Variants in SLC20A2 observed in about 807,000 individuals in gnomAD.
SLC20A2 encodes solute carrier family 20 member 2.
Under a neutral mutation model 61.0 loss-of-function variants are expected in SLC20A2, and 30 were observed. That is an observed-to-expected ratio of 0.49 (90% confidence interval 0.37 to 0.67). The LOEUF is 0.67. SLC20A2 is among the 30% of genes least tolerant of loss of function. SLC20A2 has a pLI of 0.00. For missense variants in SLC20A2, 626 were observed against 866.4 expected, an observed-to-expected ratio of 0.72 and a Z score of 3.48; for synonymous variants, 351 against 353.3, an observed-to-expected ratio of 0.99 and a Z score of 0.07.
chr8:42,487,687 T>C (rs1429483854), intron 1 of SLC20A2, among the ~76,000 whole-genome samples: 1 of 152,248 alleles, frequency 6.6e-6, no homozygotes, highest in Non-Finnish European at 1.5e-5. Context: ...TTGGTTATTA[T>C]ACTTTTCAAC....
chr8:42,470,423 T>G (rs549820131), intron 2 of SLC20A2, among the ~76,000 whole-genome samples: 9 of 151,868 alleles, frequency 5.9e-5, no homozygotes, highest in African/African-American at 2.2e-4. Context: ...CTCCCTATGT[T>G]GCCCAGACTG....
At chr8:42,449,158 G>A (rs1805461455) in intron 5 of SLC20A2, among the ~76,000 whole-genome samples, 1 of 152,050 alleles carries the variant, frequency 6.6e-6, no homozygotes. Context: ...TTATGGCTAC[G>A]TCAGGCAGTA....
chr8:42,463,131 A>ATTAGATTTTT, intron 3 of SLC20A2, 41 bp from the exon 4 acceptor site: 1 of 1,144,294 alleles, frequency 8.7e-7, no homozygotes, highest in Non-Finnish European at 1.3e-6. Flanking sequence ...GTTAAAATTC[A>ATTAGATTTTT]TTCATAATTA....
At chr8:42,452,404 G>A (rs1212649931) in intron 5 of SLC20A2, among the ~76,000 whole-genome samples, 1 of 148,068 alleles carries the variant, frequency 6.8e-6, no homozygotes, top group Non-Finnish European at 1.5e-5. Context: ...GGAGGAGGAG[G>A]AGGAAGAGAT....
At chr8:42,426,489 A>G (rs1803420874) in intron 10 of SLC20A2, among the ~76,000 whole-genome samples, 1 of 152,214 alleles carries the variant, frequency 6.6e-6, no homozygotes, top group South Asian at 2.1e-4. Flanking sequence ...TGAGGTCAGG[A>G]GTTCGAGACC....
At chr8:42,469,012 T>C (rs1435842115) in intron 2 of SLC20A2, among the ~76,000 whole-genome samples, 1 of 152,012 alleles carries the variant, frequency 6.6e-6, no homozygotes. Context: ...TCACCTTAAC[T>C]CTAACACAAC....
chr8:42,495,950 A>G (rs938571455), intron 1 of SLC20A2, among the ~76,000 whole-genome samples: 2 of 151,770 alleles, frequency 1.3e-5, no homozygotes, highest in East Asian at 3.9e-4. Context: ...GGGTTTCACC[A>G]TGTTGGTCAG....
chr8:42,467,414 G>T (rs897066713), intron 2 of SLC20A2, among the ~76,000 whole-genome samples: 18 of 152,336 alleles, frequency 1.2e-4, no homozygotes, highest in African/African-American at 4.1e-4. Context: ...ATCACTTTCA[G>T]AAGCAGTTGT....
intron 1 of SLC20A2, among the ~76,000 whole-genome samples, chr8:42,483,424 T>C (rs4737046): frequency 0.5 from 76,456 of 152,138 alleles, 21,469 homozygotes; most frequent in African/African-American, 0.77. Context: ...ACATTTATAA[T>C]GGAATAGGTT....
At chr8:42,476,198 G>A (rs1808091433) in intron 1 of SLC20A2, among the ~76,000 whole-genome samples, 1 of 139,918 alleles carries the variant, frequency 7.1e-6, no homozygotes, top group Non-Finnish European at 1.5e-5. Flanking sequence ...CTGGGTTCAC[G>A]CCATTCTCCT....
chr8:42,449,952 A>G (rs1805512487), intron 5 of SLC20A2, among the ~76,000 whole-genome samples: 1 of 152,194 alleles, frequency 6.6e-6, no homozygotes, highest in Non-Finnish European at 1.5e-5. Context: ...ATATCTTCTC[A>G]TAGTAAACAT....
At chr8:42,454,188 G>C (rs1240489857) in intron 5 of SLC20A2, among the ~76,000 whole-genome samples, 1 of 152,114 alleles carries the variant, frequency 6.6e-6, no homozygotes, top group Non-Finnish European at 1.5e-5. Context: ...ATTTTCAGTA[G>C]AAACAGGGTT....
At chr8:42,485,931 C>T (rs563219028) in intron 1 of SLC20A2, among the ~76,000 whole-genome samples, 5 of 142,364 alleles carry the variant, frequency 3.5e-5, no homozygotes, top group Admixed American at 2.9e-4. Flanking sequence ...GGCGACAGAG[C>T]GAGACTCCGT....
intron 1 of SLC20A2, among the ~76,000 whole-genome samples, chr8:42,499,396 C>G (rs916316719): frequency 2.6e-5 from 4 of 152,162 alleles, no homozygotes; most frequent in African/African-American, 9.7e-5. Context: ...AAACCTTCTC[C>G]GCTCTCACTC....
chr8:42,492,068 T>A (rs761663961), intron 1 of SLC20A2, among the ~76,000 whole-genome samples: 22 of 152,098 alleles, frequency 1.4e-4, no homozygotes, highest in Admixed American at 3.3e-4. Flanking sequence ...GAAATGAAGA[T>A]GCACTGGGCT....
chr8:42,539,686 A>C (rs1345432020), intron 1 of SLC20A2, among the ~76,000 whole-genome samples: 1 of 152,232 alleles, frequency 6.6e-6, no homozygotes, highest in East Asian at 1.9e-4. Context: ...CTTAATTAGG[A>C]ATGTCACTTA....
intron 1 of SLC20A2, among the ~76,000 whole-genome samples, chr8:42,523,531 A>C (rs750486796): frequency 1.2e-4 from 19 of 152,174 alleles, no homozygotes; most frequent in Non-Finnish European, 1.0e-4. Flanking sequence ...AACCCCAAGA[A>C]AAGACAATAT....
At chr8:42,429,893 G>T (rs1803714410) in intron 9 of SLC20A2, among the ~76,000 whole-genome samples, 171 bp downstream of exon 9, 1 of 152,154 alleles carries the variant, frequency 6.6e-6, no homozygotes, top group African/African-American at 2.4e-5. Flanking sequence ...AGTAAGGGAG[G>T]GCAAGGATAG....
intron 6 of SLC20A2, among the ~76,000 whole-genome samples, chr8:42,441,004 T>C (rs1194954170): frequency 6.6e-6 from 1 of 152,148 alleles, no homozygotes; most frequent in East Asian, 1.9e-4. Context: ...TTTCACCATG[T>C]TGGCCAGGAT....
Sources: allele counts gnomAD v4.1 joint callset (sites outside exome capture counted in the v4.1 genomes callset), GRCh38; gene constraint gnomAD v4.1.1; transcripts MANE v1.5; gene names NCBI Gene and HGNC (gene_info 2026-07-23, HGNC 2026-07-21).